GNG7: variants seen among roughly 807,000 people sequenced by gnomAD.
GNG7 encodes G protein subunit gamma 7, also known as guanine nucleotide-binding protein G(I)/G(S)/G(O) subunit gamma-7.
In GNG7, 1 loss-of-function variant was observed where a neutral mutation model predicts 4.0. The observed-to-expected ratio is 0.25, with a 90% CI of 0.09 to 1.18. The LOEUF (loss-of-function observed/expected upper bound fraction) is 1.18, where lower values mean the gene tolerates loss of function less well. GNG7 is among the 50% of genes most tolerant of loss of function. The pLI is 0.50. For missense variants in GNG7, 86 were observed against 91.9 expected (o/e 0.94, Z 0.26); for synonymous variants, 34 against 36.9 (o/e 0.92, Z 0.29).
chr19:2,553,881 T>C (rs1198755133), intron 3 of GNG7, among the ~76,000 whole-genome samples: 2 of 146,496 alleles, frequency 1.4e-5, no homozygotes, highest in African/African-American at 5.0e-5. Context: ...TGCATACATG[T>C]ACATATTCTA....
At chr19:2,610,517 T>G (rs1258438212) in intron 2 of GNG7, 1 of 151,514 alleles carries the variant, frequency 6.6e-6, no homozygotes, top group Non-Finnish European at 1.5e-5. Flanking sequence ...TCAGCTAATT[T>G]TTGTGTTTTC....
chr19:2,513,667 T>C lies in GNG7; in HGVS notation c.*1355A>G, dbSNP rs567521111. The C allele has an allele frequency of 3.0e-5, 20 of 668,520 alleles. No homozygotes were observed. The South Asian group carries it at 1.2e-3, about 41-fold the overall frequency. 41.4% of individuals were successfully genotyped at this position (668,520 alleles called of 1,614,324 possible). On this transcript the variant is annotated 3_prime_UTR_variant, in exon 5 of 5. Transcript: ENST00000382159. ...TCGGGTTCGAGCGACAGGGTAACGT[T>C]TTGAGCGGACGTTTTGATCTCCGGG...
intron 2 of GNG7, among the ~76,000 whole-genome samples, chr19:2,581,444 C>T (rs1468374598): frequency 6.6e-6 from 1 of 152,040 alleles, no homozygotes; most frequent in African/African-American, 2.4e-5. Flanking sequence ...TCCCAAACCA[C>T]AGGGGGGTGA....
At position 2,553,533 on chromosome 19, in the gene GNG7, A is replaced by G. The variant is rs1055885947; in HGVS notation, c.-38+1616T>C. On this transcript the variant is annotated intron_variant, in intron 3 of 4. Transcript: ENST00000382159. ...TTACATATATGTACACATTACATGT[A>G]ACATCACATTACATATATGTAATAT... is the stretch of plus-strand genomic sequence containing the variant. Among the ~76,000 whole-genome samples, 10 of 148,352 alleles carry G rather than the reference A, an allele frequency of 6.7e-5. 1 individual carries two copies. In the South Asian group the frequency reaches 1.9e-3, roughly 28 times the overall value.
At chr19:2,590,661 CCATTCATT>C (rs1177881894) in intron 2 of GNG7, among the ~76,000 whole-genome samples, 1 of 145,288 alleles carries the variant, frequency 6.9e-6, no homozygotes, top group East Asian at 2.2e-4. Context: ...ATCCATTCAC[CCATTCATT>C]CATCCATCCA....
intron 1 of GNG7, among the ~76,000 whole-genome samples, chr19:2,687,046 C>T (rs1266071441): frequency 6.6e-6 from 1 of 150,460 alleles, no homozygotes; most frequent in Non-Finnish European, 1.5e-5. Context: ...GCCACCGCGC[C>T]TGGCCACTTT....
intron 2 of GNG7, among the ~76,000 whole-genome samples, chr19:2,619,798 G>A (rs1325699333): frequency 6.6e-6 from 1 of 152,084 alleles, no homozygotes; most frequent in East Asian, 1.9e-4. Context: ...ATGGGGGACA[G>A]GGCTTCTTTT....
intron 2 of GNG7, among the ~76,000 whole-genome samples, chr19:2,608,369 G>C (rs918639260): frequency 6.6e-6 from 1 of 152,096 alleles, no homozygotes; most frequent in Non-Finnish European, 1.5e-5. Flanking sequence ...GCGGGCTGGA[G>C]GGACGGGCTC....
Position 2,513,474 on chromosome 19 carries a change from G to T in GNG7, c.*1548C>A, listed in dbSNP as rs562010508. On this transcript the variant is annotated 3_prime_UTR_variant, in exon 5 of 5. Coordinates refer to ENST00000382159, the MANE Select transcript of GNG7 (RefSeq NM_052847.3). ...GGAAGATGTGGCTGCACCTGCTCCC[G>T]TCCGTGCCGCAGAGGAGGACGCAGT... 2.0e-6 allele frequency: 2 copies of T among 979,334 alleles called. No individual in the cohort carries two copies. Among genetic ancestry groups the T allele is most frequent in the African/African-American group, 1.8e-5 (1 of 57,106 alleles). The allele number at this position is 979,334 out of a possible 1,614,324, so 60.7% of individuals were successfully genotyped here.
intron 3 of GNG7, among the ~76,000 whole-genome samples, chr19:2,526,628 A>T (rs1568232002): frequency 6.7e-6 from 1 of 148,880 alleles, no homozygotes; most frequent in African/African-American, 2.5e-5. Flanking sequence ...AGTATTTAGT[A>T]TGTATTATAC....
chr19:2,654,611 C>T (rs1568275449), intron 1 of GNG7, among the ~76,000 whole-genome samples: 1 of 152,218 alleles, frequency 6.6e-6, no homozygotes, highest in Non-Finnish European at 1.5e-5. Flanking sequence ...GGAGGCTGCA[C>T]ACATTGAAAT....
intron 2 of GNG7, among the ~76,000 whole-genome samples, chr19:2,612,706 A>ATTTTTT (rs1568262802): frequency 8.4e-6 from 1 of 118,424 alleles, no homozygotes; most frequent in African/African-American, 4.6e-5. Flanking sequence ...TTTTTTGAGA[A>ATTTTTT]ATTTTTTTTT....
intron 2 of GNG7, among the ~76,000 whole-genome samples, chr19:2,615,661 C>T (rs1331426720): frequency 2.0e-5 from 3 of 150,736 alleles, no homozygotes; most frequent in African/African-American, 7.3e-5. Flanking sequence ...CATGGGGTTT[C>T]ACCATGTTAG....
intron 3 of GNG7, among the ~76,000 whole-genome samples, chr19:2,521,728 C>G (rs1290197181): frequency 6.6e-6 from 1 of 150,940 alleles, no homozygotes; most frequent in East Asian, 2.0e-4. Context: ...ATTCTCCTGC[C>G]TCAGCCTCCC....
rs1046688719 is a variant in GNG7 at position 2,617,173 on chromosome 19, C to T, written c.-78+29051G>A. 7.9e-5 allele frequency among the ~76,000 whole-genome samples: 12 copies of T among 152,174 alleles called. 1 individual carries two copies. The highest frequency in any genetic ancestry group is 6.5e-4 in the Admixed American group (10 of 15,276). ...TGGTGCACTGCAGGGTGCTGAGTGG[C>T]GTCCCTGACCCCCACCCACTCCATG... On this transcript the variant is annotated intron_variant, in intron 2 of 4. Coordinates refer to ENST00000382159, the MANE Select transcript of GNG7 (RefSeq NM_052847.3). This position sits in a 1 kb window ranked among gnomAD's most constrained non-coding sequence, Gnocchi z 4.7.
chr19:2,678,210 G>T (rs1257654878), intron 1 of GNG7, among the ~76,000 whole-genome samples: 1 of 152,126 alleles, frequency 6.6e-6, no homozygotes, highest in East Asian at 1.9e-4. Flanking sequence ...CAAGAGAGTG[G>T]GTGTGACTGT....
chr19:2,590,063 C>T (rs771665950), intron 2 of GNG7, among the ~76,000 whole-genome samples: 6 of 152,140 alleles, frequency 3.9e-5, no homozygotes, highest in African/African-American at 9.7e-5. Flanking sequence ...CCACCTGCCT[C>T]GGCCTCCCAA....
At chr19:2,638,435 AAGGGGAGGGGGAGGGGAGGGGGAGG>A (rs1982379128) in intron 2 of GNG7, among the ~76,000 whole-genome samples, 1 of 36,662 alleles carries the variant, frequency 2.7e-5, no homozygotes, top group Admixed American at 2.6e-4. Context: ...GAAGGAGGGG[AAGGGGAGGGGGAGGGGAGGGGGAGG>A]GAAAGGGGAG....
At chr19:2,556,572 CACG>C (rs1270117153) in intron 2 of GNG7, among the ~76,000 whole-genome samples, 5 of 152,184 alleles carry the variant, frequency 3.3e-5, no homozygotes, top group Non-Finnish European at 5.9e-5. Flanking sequence ...GCCACCCACA[CACG>C]ACACTTTCTC....
Sources: gnomAD v4.1 joint callset for allele counts (sites outside exome capture counted in the v4.1 genomes callset) on GRCh38, gnomAD v4.1.1 for gene constraint, Gnocchi (gnomAD v3.1) non-coding constraint, MANE v1.5 for transcripts, NCBI Gene and HGNC (gene_info 2026-07-23, HGNC 2026-07-21) for gene names.